The following MEIKIN variants were observed in gnomAD, a reference collection of about 807,000 sequenced individuals.
The protein encoded by MEIKIN is meiosis-specific kinetochore protein.
chr5:131,890,768 G>A (rs1372232912), intron 8 of MEIKIN, among the ~76,000 whole-genome samples: 1 of 152,094 alleles, frequency 6.6e-6, no homozygotes, highest in Non-Finnish European at 1.5e-5. Flanking sequence ...GCTTTTGAAT[G>A]TGTTTGCTCT....
At chr5:131,843,323 G>A (rs1233296420) in intron 11 of MEIKIN, among the ~76,000 whole-genome samples, 2 of 152,216 alleles carry the variant, frequency 1.3e-5, no homozygotes, top group East Asian at 1.9e-4. Flanking sequence ...AATTTCTGCA[G>A]CTGGCTTGAA....
At chr5:131,872,785 C>A (rs1329338364) in intron 9 of MEIKIN, among the ~76,000 whole-genome samples, 1 of 152,228 alleles carries the variant, frequency 6.6e-6, no homozygotes, top group Admixed American at 6.5e-5. Flanking sequence ...GCCCATCAGA[C>A]TAACAGCTGA....
chr5:131,917,965 G>A (rs2149646287), intron 6 of MEIKIN, among the ~76,000 whole-genome samples: 1 of 152,248 alleles, frequency 6.6e-6, no homozygotes, highest in African/African-American at 2.4e-5. Context: ...TCCAGGCATA[G>A]CCTATAACTC....
chr5:131,827,733 A>G (rs1749639085), intron 11 of MEIKIN, among the ~76,000 whole-genome samples: 1 of 152,234 alleles, frequency 6.6e-6, no homozygotes, highest in South Asian at 2.1e-4. Context: ...GCAAAAATTT[A>G]TAGATCTATA....
chr5:131,936,476 C>A (rs1023719549), intron 4 of MEIKIN, among the ~76,000 whole-genome samples: 3 of 152,194 alleles, frequency 2.0e-5, no homozygotes, highest in African/African-American at 7.2e-5. Context: ...ATACTGTGGG[C>A]CACATTCATC....
At chr5:131,940,338 T>A (rs1175791589) in intron 4 of MEIKIN, among the ~76,000 whole-genome samples, 1 of 152,246 alleles carries the variant, frequency 6.6e-6, no homozygotes, top group African/African-American at 2.4e-5. Flanking sequence ...ATTTTCTAGC[T>A]CACTAATTTT....
At chr5:131,853,087 A>G (rs573007247) in intron 10 of MEIKIN, among the ~76,000 whole-genome samples, 20 of 152,306 alleles carry the variant, frequency 1.3e-4, no homozygotes, top group African/African-American at 3.1e-4. Context: ...TAGGAACCTG[A>G]TAAGTGTAAG....
intron 11 of MEIKIN, among the ~76,000 whole-genome samples, chr5:131,846,543 A>G (rs1750026160): frequency 6.6e-6 from 1 of 152,208 alleles, no homozygotes. Flanking sequence ...AAAGTGTTTA[A>G]AAGTATTATT....
At chr5:131,857,550 G>A (rs1750216327) in intron 9 of MEIKIN, among the ~76,000 whole-genome samples, 1 of 152,176 alleles carries the variant, frequency 6.6e-6, no homozygotes, top group African/African-American at 2.4e-5. Flanking sequence ...ATGCCCGCTT[G>A]TGGCACAGCC....
At chr5:131,809,819 C>CAA (rs5871436) in intron 12 of MEIKIN, among the ~76,000 whole-genome samples, 463 of 130,574 alleles carry the variant, frequency 3.5e-3, no homozygotes, top group South Asian at 0.011. Context: ...AACAAACGAA[C>CAA]AAAAAAAAAA....
At chr5:131,922,349 A>G (rs1751519246) in intron 5 of MEIKIN, among the ~76,000 whole-genome samples, 1 of 152,196 alleles carries the variant, frequency 6.6e-6, no homozygotes, top group Non-Finnish European at 1.5e-5. Flanking sequence ...TTCAGGAAAA[A>G]AATTGCATCC....
chr5:131,838,962 T>C (rs1177575627), intron 11 of MEIKIN, among the ~76,000 whole-genome samples: 1 of 152,160 alleles, frequency 6.6e-6, no homozygotes, highest in East Asian at 1.9e-4. Context: ...TAATCTGAAA[T>C]CTTTCTAATT....
At chr5:131,832,972 G>C (rs1347822884) in intron 11 of MEIKIN, among the ~76,000 whole-genome samples, 1 of 152,228 alleles carries the variant, frequency 6.6e-6, no homozygotes, top group Non-Finnish European at 1.5e-5. Flanking sequence ...ACATGCCCTG[G>C]AGACATTTTC....
At chr5:131,860,066 TTG>T (rs761937981) in intron 9 of MEIKIN, among the ~76,000 whole-genome samples, 30 of 152,180 alleles carry the variant, frequency 2.0e-4, no homozygotes, top group Non-Finnish European at 3.8e-4. Flanking sequence ...AATTTTAGCG[TTG>T]TTTTTTCTAG....
chr5:131,894,778 A>G (rs994750119), intron 8 of MEIKIN, among the ~76,000 whole-genome samples: 10 of 152,336 alleles, frequency 6.6e-5, no homozygotes, highest in Admixed American at 3.3e-4. Flanking sequence ...GAAGTTGCCT[A>G]TCAGCTTAAG....
At chr5:131,864,008 TG>T (rs1257901745) in intron 9 of MEIKIN, among the ~76,000 whole-genome samples, 1 of 152,204 alleles carries the variant, frequency 6.6e-6, no homozygotes, top group East Asian at 1.9e-4. Flanking sequence ...TTATCAGCAA[TG>T]TGAAAATGGA....
chr5:131,912,991 G>C (rs1256546737), intron 7 of MEIKIN, among the ~76,000 whole-genome samples: 1 of 152,156 alleles, frequency 6.6e-6, no homozygotes, highest in African/African-American at 2.4e-5. Flanking sequence ...TTTTAGAAAT[G>C]TACAGGAAAG....
chr5:131,943,888 C>T (rs1751916740), intron 3 of MEIKIN, among the ~76,000 whole-genome samples: 2 of 151,986 alleles, frequency 1.3e-5, no homozygotes, highest in South Asian at 2.1e-4. Context: ...GAGGCCGTGG[C>T]GAGCAGATCA....
At chr5:131,900,984 T>C (rs1351234435) in intron 8 of MEIKIN, among the ~76,000 whole-genome samples, 1 of 152,142 alleles carries the variant, frequency 6.6e-6, no homozygotes, top group Non-Finnish European at 1.5e-5. Context: ...GGGTGGACCT[T>C]GCTGTGCACC....
Sources: allele counts gnomAD v4.1 joint callset (sites outside exome capture counted in the v4.1 genomes callset), GRCh38; gene constraint gnomAD v4.1.1; transcripts MANE v1.5; gene names NCBI Gene and HGNC (gene_info 2026-07-23, HGNC 2026-07-21).